SEC24A: variants seen among roughly 807,000 people sequenced by gnomAD.
SEC24A encodes the protein protein transport protein Sec24A.
In SEC24A, 93 loss-of-function variants were observed where a neutral mutation model predicts 129.4. The ratio of observed to expected loss-of-function variants is 0.72; its 90% CI spans 0.61 to 0.85. SEC24A has a LOEUF of 0.85. Ranked by LOEUF, SEC24A falls within the 40% of genes least tolerant of loss-of-function variation. The probability of loss-of-function intolerance (pLI) is 0.00; values close to 1 mark genes in which losing one functional copy is unlikely to be tolerated. For missense variants in SEC24A, 1,264 were observed against 1,307.4 expected (o/e 0.97, Z 0.51); for synonymous variants, 460 against 467.3 (o/e 0.98, Z 0.20).
intron 6 of SEC24A, among the ~76,000 whole-genome samples, chr5:134,675,459 T>A (rs1751027891): frequency 6.6e-6 from 1 of 152,210 alleles, no homozygotes; most frequent in Non-Finnish European, 1.5e-5. Context: ...ATGATATTCA[T>A]TATCATTATG....
rs1179637419 is a variant in SEC24A at position 134,679,602 on chromosome 5, C to A, written c.1255C>A (p.Gln419Lys). 1 of 1,540,554 alleles carries A rather than the reference C, an allele frequency of 6.5e-7. No individual in the cohort carries two copies. The highest frequency in any genetic ancestry group is 8.8e-7 in the Non-Finnish European group (1 of 1,138,070). The change falls in exon 8 of 23, where the codon CAA becomes AAA. Residue 419 changes from glutamine to lysine, a missense_variant and splice_region_variant. Transcript: ENST00000398844. ...TTTAATTCTGTTTTTTTTTTTCCAGCAATTGCCTGTGGTTACCTCCAGTAC... is the reference window on the plus strand; with the variant it reads ...TTTAATTCTGTTTTTTTTTTTCCAGAAATTGCCTGTGGTTACCTCCAGTAC... Reference protein sequence around the residue: ...LLLHPFKDLVQLPVVTSSTIV... With the variant: ...LLLHPFKDLVKLPVVTSSTIV...
chr5:134,686,834 G>T lies in SEC24A; in HGVS notation c.1536G>T (p.Val512=), dbSNP rs770414094. The change falls in exon 10 of 23, where the codon GTG becomes GTT. Residue 512 remains valine, a synonymous_variant. Transcript: ENST00000398844. ...CAGTGTATCTCTTTGTATTTGATGTGTCTCACAATGCAGTCGAAACTGGAT... is the reference window on the plus strand; with the variant it reads ...CAGTGTATCTCTTTGTATTTGATGTTTCTCACAATGCAGTCGAAACTGGAT... The part of the protein sequence containing the change: ...QPPVYLFVFD[V]SHNAVETGYL... 6.2e-7 allele frequency: 1 copy of T among 1,610,116 alleles called. No individual in the cohort carries two copies. The highest frequency in any genetic ancestry group is 1.3e-5 in the African/African-American group (1 of 74,732).
intron 15 of SEC24A, among the ~76,000 whole-genome samples, chr5:134,701,000 G>A (rs1157332049): frequency 1.3e-5 from 2 of 151,976 alleles, no homozygotes; most frequent in Non-Finnish European, 2.9e-5. Context: ...TTACAGGCGT[G>A]AGCCACCGCG....
At chr5:134,682,801 G>C (rs111805682) in intron 9 of SEC24A, among the ~76,000 whole-genome samples, 1 of 152,060 alleles carries the variant, frequency 6.6e-6, no homozygotes, top group African/African-American at 2.4e-5. Context: ...TCCTGGGCTC[G>C]AGTGATCTGC....
intron 15 of SEC24A, among the ~76,000 whole-genome samples, chr5:134,701,913 T>C (rs1752019263): frequency 6.6e-6 from 1 of 152,156 alleles, no homozygotes; most frequent in African/African-American, 2.4e-5. Flanking sequence ...AAATACATAC[T>C]CTAGAAAAGT....
In SEC24A at chr5:134,721,107, A is replaced by G; in HGVS notation, c.3063+17A>G. The G allele has an allele frequency of 2.1e-6, 3 of 1,455,926 alleles. No individual in the cohort carries two copies. Among genetic ancestry groups the G allele is most frequent in the South Asian group, 2.3e-5 (2 of 86,096 alleles). The allele number at this position is 1,455,926 out of a possible 1,614,324, so 90.2% of individuals were successfully genotyped here. Reference sequence around the variant, plus strand: ...CAGCCTATGGTAAGACTCTTTTATTATAGTGATTATAAAGGGCATTTCAAA... The same window carrying G: ...CAGCCTATGGTAAGACTCTTTTATTGTAGTGATTATAAAGGGCATTTCAAA... On this transcript the variant is annotated intron_variant, in intron 21 of 22. Coordinates refer to ENST00000398844, the MANE Select transcript of SEC24A (RefSeq NM_021982.3).
intron 9 of SEC24A, among the ~76,000 whole-genome samples, chr5:134,686,135 A>G (rs1751442661): frequency 6.6e-6 from 1 of 152,208 alleles, no homozygotes; most frequent in Non-Finnish European, 1.5e-5. Flanking sequence ...AAAAATCAAT[A>G]AAACACAAAA....
intron 2 of SEC24A, among the ~76,000 whole-genome samples, chr5:134,663,908 G>A (rs1428302820): frequency 6.6e-6 from 1 of 152,100 alleles, no homozygotes; most frequent in African/African-American, 2.4e-5. Context: ...GCAGGAGTTC[G>A]AGACCAGCCT....
At chr5:134,699,301 C>CGTTTTTTT (rs1429369613) in intron 15 of SEC24A, among the ~76,000 whole-genome samples, 10 of 138,370 alleles carry the variant, frequency 7.2e-5, no homozygotes, top group African/African-American at 2.2e-4. Context: ...CCATTTTATC[C>CGTTTTTTT]TTTTTTTTTT....
At chr5:134,672,131 C>T (rs1371012923) in intron 4 of SEC24A, among the ~76,000 whole-genome samples, 1 of 152,088 alleles carries the variant, frequency 6.6e-6, no homozygotes, top group Non-Finnish European at 1.5e-5. Context: ...AGTCCTCCCA[C>T]CTCAGCCTCC....
chr5:134,649,279 G>T, intron 1 of SEC24A, 106 bp downstream of exon 1: 2 of 797,578 alleles, frequency 2.5e-6, no homozygotes, highest in Non-Finnish European at 3.8e-6. Context: ...CTCCTTACCG[G>T]GTTCTGGCGC....
At chr5:134,668,561 A>G (rs1750746872) in intron 3 of SEC24A, among the ~76,000 whole-genome samples, 1 of 152,230 alleles carries the variant, frequency 6.6e-6, no homozygotes, top group East Asian at 1.9e-4. Flanking sequence ...CCCTGTCTCT[A>G]CTAAAAATAT....
chr5:134,688,497 C>T (rs188309929), intron 11 of SEC24A, among the ~76,000 whole-genome samples, 198 bp downstream of exon 11: 89 of 152,052 alleles, frequency 5.9e-4, no homozygotes, highest in Middle Eastern at 6.8e-3. Flanking sequence ...GGAGACAACC[C>T]GCTGAACAAG....
chr5:134,704,951 TG>T (rs1217640579), intron 16 of SEC24A, among the ~76,000 whole-genome samples: 5 of 151,438 alleles, frequency 3.3e-5, no homozygotes, highest in Non-Finnish European at 7.4e-5. Context: ...TGCTGGGTGC[TG>T]GGATTACAGG....
intron 8 of SEC24A, 131 bp from the exon 9 acceptor site, chr5:134,682,242 C>CA (rs1318827249): frequency 0.074 from 29,936 of 406,358 alleles, 4 homozygotes; most frequent in South Asian, 0.093. Context: ...AACTCTGTCT[C>CA]AAAAAAAAAA....
At chr5:134,689,002 G>T (rs1751544770) in intron 11 of SEC24A, among the ~76,000 whole-genome samples, 1 of 152,070 alleles carries the variant, frequency 6.6e-6, no homozygotes, top group Non-Finnish European at 1.5e-5. Flanking sequence ...TTTGACAAAG[G>T]TGCCTAGAAC....
chr5:134,661,941 C>T (rs1750479524), intron 2 of SEC24A, among the ~76,000 whole-genome samples: 2 of 151,220 alleles, frequency 1.3e-5, no homozygotes, highest in East Asian at 3.9e-4. Flanking sequence ...CCTGCCTCAG[C>T]CTCCAGAGTA....
chr5:134,674,825 T>C, intron 5 of SEC24A, 50 bp downstream of exon 5: 1 of 1,511,054 alleles, frequency 6.6e-7, no homozygotes, highest in East Asian at 2.3e-5. Context: ...TGGTTTAAAC[T>C]GTATACACAT....
Position 134,657,182 on chromosome 5 carries a change from G to GCACACACACACACACA in SEC24A, c.98-3920_98-3905dup, listed in dbSNP as rs70976550. 6.0e-3 allele frequency among the ~76,000 whole-genome samples: 824 copies of GCACACACACACACACA among 136,278 alleles called. 8 individuals carry two copies. Among genetic ancestry groups the GCACACACACACACACA allele is most frequent in the African/African-American group, 0.02 (751 of 37,034 alleles). The allele number at this position is 136,278 out of a possible 152,430, so 89.4% of individuals were successfully genotyped here. A position where few individuals can be genotyped will look rare whatever the true frequency, so the allele number is the denominator to read the frequency against. On this transcript the variant is annotated intron_variant, in intron 1 of 22. Coordinates refer to ENST00000398844, the MANE Select transcript of SEC24A (RefSeq NM_021982.3). ...GAGCGAGACCTCATTTCTGAAAAAC[G>GCACACACACACACACA]CACACACACACACACACACACACAC...
Sources: gnomAD v4.1 joint callset for allele counts (sites outside exome capture counted in the v4.1 genomes callset) on GRCh38, gnomAD v4.1.1 for gene constraint, MANE v1.5 for transcripts, NCBI Gene and HGNC (gene_info 2026-07-23, HGNC 2026-07-21) for gene names.